The following SPIDR variants were observed in gnomAD, a reference collection of about 807,000 sequenced individuals.
The protein encoded by SPIDR is scaffold protein involved in DNA repair.
In SPIDR, 93 loss-of-function variants were observed where a neutral mutation model predicts 104.6. The ratio of observed to expected loss-of-function variants is 0.89; its 90% CI spans 0.75 to 1.06. SPIDR has a LOEUF of 1.06. SPIDR is among the 50% of genes least tolerant of loss of function. The probability of loss-of-function intolerance (pLI) is 0.00; values close to 1 mark genes in which losing one functional copy is unlikely to be tolerated. For missense variants in SPIDR, 1,154 were observed against 1,111.2 expected (o/e 1.04, Z -0.55); for synonymous variants, 431 against 416.9 (o/e 1.03, Z -0.41).
At chr8:47,271,892 A>G (rs2154214997) in intron 1 of SPIDR, among the ~76,000 whole-genome samples, 1 of 152,206 alleles carries the variant, frequency 6.6e-6, no homozygotes, top group Middle Eastern at 3.4e-3. Flanking sequence ...GGTTCAAGCT[A>G]TTCACCTGCC....
chr8:47,690,669 A>G (rs1343366882), intron 11 of SPIDR, among the ~76,000 whole-genome samples: 1 of 152,064 alleles, frequency 6.6e-6, no homozygotes, highest in Admixed American at 6.6e-5. Flanking sequence ...AAATACAAAA[A>G]TTAACCAGGC....
chr8:47,632,436 A>G (rs2067207232), intron 10 of SPIDR, among the ~76,000 whole-genome samples: 2 of 152,206 alleles, frequency 1.3e-5, no homozygotes, highest in South Asian at 2.1e-4. Context: ...AGTATTTTTC[A>G]TGTAATTTTA....
chr8:47,420,797 T>C (rs972724457), intron 7 of SPIDR, among the ~76,000 whole-genome samples: 5 of 152,254 alleles, frequency 3.3e-5, no homozygotes, highest in Non-Finnish European at 7.3e-5. Context: ...GGAGCTCTTT[T>C]AGGGCAGGCC....
At chr8:47,486,118 G>A (rs1384664697) in intron 8 of SPIDR, among the ~76,000 whole-genome samples, 3 of 152,128 alleles carry the variant, frequency 2.0e-5, no homozygotes, top group East Asian at 3.9e-4. Flanking sequence ...AAGATTAGAC[G>A]AATGGCTAAC....
intron 7 of SPIDR, among the ~76,000 whole-genome samples, chr8:47,416,928 A>G (rs2064425129): frequency 6.6e-6 from 1 of 152,100 alleles, no homozygotes; most frequent in African/African-American, 2.4e-5. Context: ...TTCCAGCTTC[A>G]TCCATGTCCC....
At chr8:47,422,705 C>T (rs1200087666) in intron 7 of SPIDR, among the ~76,000 whole-genome samples, 6 of 152,188 alleles carry the variant, frequency 3.9e-5, no homozygotes, top group Non-Finnish European at 8.8e-5. Context: ...GTCGCTCACG[C>T]TGGGAGATGT....
At chr8:47,330,735 C>CA (rs2154267766) in intron 5 of SPIDR, 1 of 455,836 alleles carries the variant, frequency 2.2e-6, no homozygotes, top group South Asian at 1.5e-5. Context: ...CTGGATATAA[C>CA]ACTTTATCCA....
At chr8:47,625,111 A>G (rs2065836543) in intron 10 of SPIDR, among the ~76,000 whole-genome samples, 1 of 152,264 alleles carries the variant, frequency 6.6e-6, no homozygotes. Flanking sequence ...GTAATCCAGC[A>G]TATAAACAGA....
chr8:47,622,448 C>G (rs1206413776), intron 10 of SPIDR, among the ~76,000 whole-genome samples: 1 of 152,140 alleles, frequency 6.6e-6, no homozygotes, highest in Non-Finnish European at 1.5e-5. Context: ...AGGTAAGACT[C>G]GGCCTGAGTC....
chr8:47,649,051 A>G (rs567844444), intron 10 of SPIDR, among the ~76,000 whole-genome samples: 1 of 152,300 alleles, frequency 6.6e-6, no homozygotes, highest in Admixed American at 6.5e-5. Flanking sequence ...CAGTATTGGG[A>G]CAAATTAAAA....
chr8:47,551,413 G>C (rs1392417522), intron 8 of SPIDR, among the ~76,000 whole-genome samples: 4 of 152,180 alleles, frequency 2.6e-5, no homozygotes, highest in East Asian at 1.9e-4. Context: ...ACTTTTTTTG[G>C]TTGGTAGACT....
chr8:47,513,414 C>T (rs1449538756), intron 8 of SPIDR, among the ~76,000 whole-genome samples: 2 of 152,124 alleles, frequency 1.3e-5, no homozygotes, highest in South Asian at 4.1e-4. Flanking sequence ...ACAATCTATA[C>T]GTCTGTATTT....
At chr8:47,410,193 T>A (rs551836799) in intron 7 of SPIDR, among the ~76,000 whole-genome samples, 1 of 152,138 alleles carries the variant, frequency 6.6e-6, no homozygotes, top group African/African-American at 2.4e-5. Context: ...TTTACCTTTT[T>A]TTTTTTGAGA....
At chr8:47,567,030 A>G (rs2057941316) in intron 8 of SPIDR, among the ~76,000 whole-genome samples, 2 of 152,204 alleles carry the variant, frequency 1.3e-5, no homozygotes, top group Non-Finnish European at 2.9e-5. Flanking sequence ...CAGATAAATA[A>G]CTAGAAAACA....
At chr8:47,623,834 G>C (rs2065547673) in intron 10 of SPIDR, among the ~76,000 whole-genome samples, 1 of 152,154 alleles carries the variant, frequency 6.6e-6, no homozygotes, top group Non-Finnish European at 1.5e-5. Flanking sequence ...CAACGAGACA[G>C]AAAGTTAACA....
rs529628774 is a variant in SPIDR, at chr8:47,548,349, C to G, written c.1098-47462C>G. 9.2e-5 allele frequency among the ~76,000 whole-genome samples: 14 copies of G among 152,250 alleles called. No individual in the cohort carries two copies. In the South Asian group the frequency reaches 2.7e-3, roughly 29 times the overall value. ...TAGAATAAATAGATGATATCTTAAG[C>G]TTTTTAAGTAAAAATTGGCTGAATG... On this transcript the variant is annotated intron_variant, in intron 8 of 19. Coordinates refer to ENST00000297423, the MANE Select transcript of SPIDR (RefSeq NM_001080394.4).
intron 7 of SPIDR, among the ~76,000 whole-genome samples, chr8:47,427,114 A>G (rs1255423691): frequency 6.6e-6 from 1 of 152,050 alleles, no homozygotes; most frequent in East Asian, 1.9e-4. Flanking sequence ...CTATTTCCAT[A>G]TTCTGATGAT....
intron 8 of SPIDR, among the ~76,000 whole-genome samples, chr8:47,476,512 G>A (rs1275935476): frequency 1.3e-5 from 2 of 151,884 alleles, no homozygotes; most frequent in East Asian, 3.9e-4. Context: ...TCGTGCCATT[G>A]TGAGTCACAC....
chr8:47,676,559 G>A (rs1287028182), intron 11 of SPIDR, among the ~76,000 whole-genome samples: 2 of 150,634 alleles, frequency 1.3e-5, no homozygotes, highest in African/African-American at 2.5e-5. Context: ...AGCAATTCTC[G>A]TAAACTTTAA....
Sources: gnomAD v4.1 joint callset for allele counts (sites outside exome capture counted in the v4.1 genomes callset) on GRCh38, gnomAD v4.1.1 for gene constraint, MANE v1.5 for transcripts, NCBI Gene and HGNC (gene_info 2026-07-23, HGNC 2026-07-21) for gene names.